Variants in NEGR1 observed in about 807,000 individuals in gnomAD.
The protein encoded by NEGR1 is neuronal growth regulator 1.
NEGR1 carries 10 observed loss-of-function variants against 40.9 expected under a neutral mutation model. The ratio of observed to expected loss-of-function variants is 0.24; its 90% CI spans 0.15 to 0.42. The LOEUF (loss-of-function observed/expected upper bound fraction) is 0.42. NEGR1 is among the 10% of genes least tolerant of loss of function. NEGR1 has a pLI of 1.00. For missense variants in NEGR1, 352 were observed against 438.9 expected (o/e 0.80, Z 1.77); for synonymous variants, 185 against 166.8 (o/e 1.11, Z -0.84).
At chr1:71,620,931 T>C (rs997382538) in intron 4 of NEGR1, among the ~76,000 whole-genome samples, 2 of 151,938 alleles carry the variant, frequency 1.3e-5, no homozygotes, top group Non-Finnish European at 2.9e-5. Flanking sequence ...TAGACAGTAC[T>C]TACTTCATAG....
At chr1:72,103,917 T>G (rs1250434980) in intron 1 of NEGR1, among the ~76,000 whole-genome samples, 2 of 152,024 alleles carry the variant, frequency 1.3e-5, no homozygotes, top group Non-Finnish European at 2.9e-5. Flanking sequence ...ACAGACAAAA[T>G]TTTTAGAAGA....
chr1:71,596,156 G>C (rs1478937590), intron 5 of NEGR1, among the ~76,000 whole-genome samples: 2 of 151,802 alleles, frequency 1.3e-5, no homozygotes, highest in Non-Finnish European at 2.9e-5. Context: ...GGAAATACCT[G>C]GTCATTTTTC....
At chr1:71,763,977 A>G (rs1200922072) in intron 3 of NEGR1, among the ~76,000 whole-genome samples, 4 of 152,154 alleles carry the variant, frequency 2.6e-5, no homozygotes, top group Non-Finnish European at 4.4e-5. Flanking sequence ...CCTTGTGCTA[A>G]GCCATGTAGT....
Position 71,841,869 on chromosome 1 carries a change from T to C in NEGR1, c.410-65572A>G, listed in dbSNP as rs529998436. Among the ~76,000 whole-genome samples, 19 of 152,290 alleles carry C rather than the reference T, an allele frequency of 1.2e-4. No individual in the cohort carries two copies. In the East Asian group the frequency reaches 3.7e-3, roughly 29 times the overall value. On this transcript the variant is annotated intron_variant, in intron 2 of 6. Coordinates refer to ENST00000357731, the MANE Select transcript of NEGR1 (RefSeq NM_173808.3). ...ATATTGTCAACTAGTTGGTAACTAT[T>C]GACAGTAGTTCCCAATTATTGTGTG...
rs79287978 is a variant in NEGR1 at position 72,251,679 on chromosome 1, C to A, written c.176+30640G>T. On this transcript the variant is annotated intron_variant, in intron 1 of 6. Coordinates refer to ENST00000357731, the MANE Select transcript of NEGR1 (RefSeq NM_173808.3). ...ATAATGGCAAGGAAAAAAGTCTGTA[C>A]ATACTCAGTACATACATAATCATTG... Among the ~76,000 whole-genome samples, 844 of 152,250 alleles carry A rather than the reference C, an allele frequency of 5.5e-3. 9 individuals carry two copies. Among genetic ancestry groups the A allele is most frequent in the African/African-American group, 0.02 (813 of 41,536 alleles).
chr1:71,732,950 C>G (rs1292849825), intron 3 of NEGR1, among the ~76,000 whole-genome samples: 1 of 152,076 alleles, frequency 6.6e-6, no homozygotes, highest in African/African-American at 2.4e-5. Flanking sequence ...AAACAAAAAA[C>G]AAACCCCACA....
intron 1 of NEGR1, among the ~76,000 whole-genome samples, chr1:72,168,080 A>G (rs1220404953): frequency 6.6e-6 from 1 of 151,408 alleles, no homozygotes; most frequent in Non-Finnish European, 1.5e-5. Flanking sequence ...ATCTCGGCTA[A>G]CTGCAACCTC....
intron 1 of NEGR1, among the ~76,000 whole-genome samples, chr1:72,042,604 G>A (rs1012673781): frequency 7.2e-5 from 11 of 151,868 alleles, no homozygotes; most frequent in African/African-American, 2.7e-4. Flanking sequence ...CATCAACTCT[G>A]GAAAGTTCAG....
intron 1 of NEGR1, among the ~76,000 whole-genome samples, chr1:72,259,721 T>C (rs1451093110): frequency 6.6e-6 from 1 of 152,120 alleles, no homozygotes; most frequent in Non-Finnish European, 1.5e-5. Context: ...AAGGGTATCA[T>C]GTCTAGTTAA....
At chr1:71,508,777 A>C (rs953984018) in intron 6 of NEGR1, among the ~76,000 whole-genome samples, 2 of 152,166 alleles carry the variant, frequency 1.3e-5, no homozygotes, top group African/African-American at 4.8e-5. Context: ...TTAAAGATTA[A>C]ACTGCATCTG....
At chr1:71,666,560 A>T (rs1182748295) in intron 4 of NEGR1, among the ~76,000 whole-genome samples, 1 of 152,220 alleles carries the variant, frequency 6.6e-6, no homozygotes, top group Non-Finnish European at 1.5e-5. Context: ...GAAGCCTTTC[A>T]CAAACATATG....
chr1:71,767,769 C>T (rs998299449), intron 3 of NEGR1, among the ~76,000 whole-genome samples: 3 of 152,174 alleles, frequency 2.0e-5, no homozygotes, highest in Non-Finnish European at 2.9e-5. Context: ...GGAGGCCTAC[C>T]AAGGAAGAAT....
rs1569836515 is a variant in NEGR1 at position 72,021,192 on chromosome 1, A to C, written c.177-85881T>G. ...ACATCTAAATACCATGTGGGACTAA[A>C]AAGAAATCACAACAGTTAAGAGAAA... On this transcript the variant is annotated intron_variant, in intron 1 of 6. Transcript: ENST00000357731. Among the ~76,000 whole-genome samples the C allele has an allele frequency of 2.6e-5, 4 of 152,312 alleles. No homozygotes were observed. The East Asian group carries it at 7.7e-4, about 29-fold the overall frequency.
At chr1:71,908,883 A>G (rs1479789756) in intron 2 of NEGR1, among the ~76,000 whole-genome samples, 1 of 152,160 alleles carries the variant, frequency 6.6e-6, no homozygotes, top group Non-Finnish European at 1.5e-5. Flanking sequence ...TTTTTAAACT[A>G]TATTTTCTTT....
intron 1 of NEGR1, among the ~76,000 whole-genome samples, chr1:71,949,794 G>A: frequency 6.6e-6 from 1 of 151,966 alleles, no homozygotes; most frequent in East Asian, 1.9e-4. Flanking sequence ...TTATCTTCTT[G>A]TTCATTTTAC....
intron 2 of NEGR1, among the ~76,000 whole-genome samples, chr1:71,789,352 A>G (rs1310293684): frequency 1.3e-5 from 2 of 152,192 alleles, no homozygotes; most frequent in Non-Finnish European, 2.9e-5. Context: ...GTACACAGTA[A>G]GTGCTCAGAA....
intron 2 of NEGR1, among the ~76,000 whole-genome samples, chr1:71,911,916 T>C (rs374851317): frequency 7.9e-5 from 12 of 152,170 alleles, no homozygotes; most frequent in East Asian, 7.7e-4. Flanking sequence ...ATTTCCTCCT[T>C]CATAAAATAC....
intron 4 of NEGR1, among the ~76,000 whole-genome samples, chr1:71,669,363 T>A (rs1652341840): frequency 6.6e-6 from 1 of 152,056 alleles, no homozygotes; most frequent in South Asian, 2.1e-4. Context: ...GCTATCATAA[T>A]TCTACTTGTT....
intron 6 of NEGR1, among the ~76,000 whole-genome samples, chr1:71,475,980 A>T (rs1646817124): frequency 6.6e-6 from 1 of 152,034 alleles, no homozygotes; most frequent in Non-Finnish European, 1.5e-5. Context: ...TCATAGTAAC[A>T]TGTGTTTGGA....
Sources: gnomAD v4.1 joint callset for allele counts (sites outside exome capture counted in the v4.1 genomes callset) on GRCh38, gnomAD v4.1.1 for gene constraint, MANE v1.5 for transcripts, NCBI Gene and HGNC (gene_info 2026-07-23, HGNC 2026-07-21) for gene names.